The following EYA3 variants were observed in gnomAD, a reference collection of about 807,000 sequenced individuals.
EYA3 encodes EYA transcriptional coactivator and phosphatase 3, also known as protein phosphatase EYA3.
In EYA3, 39 loss-of-function variants were observed where a neutral mutation model predicts 80.0. That is an observed-to-expected ratio of 0.49 (90% CI 0.38 to 0.64). The LOEUF (loss-of-function observed/expected upper bound fraction) is 0.64. Ranked by LOEUF, EYA3 falls within the 30% of genes least tolerant of loss-of-function variation. The probability of loss-of-function intolerance (pLI) is 0.00; values close to 1 mark genes in which losing one functional copy is unlikely to be tolerated. For synonymous variants in EYA3, 206 were observed against 232.8 expected (o/e 0.88, Z 1.05); for missense variants, 523 against 676.1 (o/e 0.77, Z 2.51).
intron 6 of EYA3, 144 bp downstream of exon 6, chr1:28,035,400 C>G: frequency 1.3e-6 from 1 of 752,634 alleles, no homozygotes; most frequent in Non-Finnish European, 2.1e-6. Flanking sequence ...TTTTTTATTA[C>G]ATGCATCAAA....
intron 1 of EYA3, among the ~76,000 whole-genome samples, chr1:28,063,548 A>G (rs1214730034): frequency 6.6e-6 from 1 of 151,830 alleles, no homozygotes; most frequent in African/African-American, 2.4e-5. Flanking sequence ...GGGTTTTGCC[A>G]TGTTGGCCAG....
rs114347226 is a variant in EYA3, at chr1:28,081,389, T to C, written c.-69+7135A>G. The stretch of plus-strand genomic sequence containing the variant: ...ACACCTGGTGAAAAGCAAAAGCAGA[T>C]TTCAAAAATTATTCTTTAAATTATC... On this transcript the variant is annotated intron_variant, in intron 1 of 17. Coordinates refer to ENST00000373871, the MANE Select transcript of EYA3 (RefSeq NM_001990.4). 7.5e-3 allele frequency among the ~76,000 whole-genome samples: 1,139 copies of C among 152,326 alleles called. 10 individuals are homozygous for C. The highest frequency in any genetic ancestry group is 0.051 in the Middle Eastern group (15 of 294).
Position 28,009,411 on chromosome 1 carries a change from G to A in EYA3, c.909+1536C>T, listed in dbSNP as rs1053631275. 1.3e-5 allele frequency among the ~76,000 whole-genome samples: 2 copies of A among 152,166 alleles called. No individual in the cohort carries two copies. The highest frequency in any genetic ancestry group is 4.8e-5 in the African/African-American group (2 of 41,438). On this transcript the variant is annotated intron_variant, in intron 10 of 17. Transcript: ENST00000373871. The surrounding 1 kb of genome is among the most constrained non-coding windows in gnomAD (Gnocchi z 4.8). ...TCACGTCTGTAATCCCAGCACTATG[G>A]GAGGCCGAGGCAGGCGGATCACGAG...
At chr1:28,010,673 T>G in intron 10 of EYA3, 1 of 325,128 alleles carries the variant, frequency 3.1e-6, no homozygotes, top group Non-Finnish European at 5.6e-6. Flanking sequence ...ACCTGACCCT[T>G]TTAAAATTTT....
At chr1:28,046,736 C>A (rs1231632573) in intron 3 of EYA3, among the ~76,000 whole-genome samples, 2 of 152,032 alleles carry the variant, frequency 1.3e-5, no homozygotes, top group African/African-American at 2.4e-5. Flanking sequence ...TGGGTTTAAT[C>A]AGGGTTGTGG....
intron 1 of EYA3, among the ~76,000 whole-genome samples, chr1:28,058,435 A>C (rs1459111510): frequency 6.6e-6 from 1 of 152,180 alleles, no homozygotes; most frequent in African/African-American, 2.4e-5. Flanking sequence ...AATGATAGGG[A>C]CTGGCCTAGC....
intron 5 of EYA3, among the ~76,000 whole-genome samples, chr1:28,037,693 T>C (rs773397298): frequency 3.2e-4 from 48 of 152,246 alleles, no homozygotes; most frequent in Non-Finnish European, 6.8e-4. Flanking sequence ...AAGGACACCA[T>C]TAGTGTTAAT....
intron 8 of EYA3, among the ~76,000 whole-genome samples, chr1:28,015,616 A>C (rs767435879): frequency 1.3e-5 from 2 of 152,186 alleles, no homozygotes; most frequent in Non-Finnish European, 2.9e-5. Context: ...AAAATTAATG[A>C]GATAGTATTT....
chr1:28,014,417 CAAAAAAAAAAAA>C (rs1173842687), intron 8 of EYA3, among the ~76,000 whole-genome samples: 84 of 49,532 alleles, frequency 1.7e-3, no homozygotes, highest in Non-Finnish European at 2.6e-3. Flanking sequence ...CACACTGTCT[CAAAAAAAAAAAA>C]AAAAAAAAAA....
rs573324053 is a variant in EYA3, at chr1:27,971,721, C to T, written c.*2745G>A. 2 of 152,078 alleles carry T rather than the reference C, an allele frequency of 1.3e-5. No homozygotes were observed. Among genetic ancestry groups the T allele is most frequent in the South Asian group, 4.2e-4 (2 of 4,818 alleles). 9.4% of individuals were successfully genotyped at this position (152,078 alleles called of 1,614,324 possible). On this transcript the variant is annotated 3_prime_UTR_variant, in exon 18 of 18. Transcript: ENST00000373871. ...GAGGGTCTCCCCCTTGATGAATGGA[C>T]CCACAGTGTCCTTTGGTCCTCAGCT...
chr1:28,019,057 G>T, intron 7 of EYA3, among the ~76,000 whole-genome samples: 1 of 151,990 alleles, frequency 6.6e-6, no homozygotes, highest in Non-Finnish European at 1.5e-5. Context: ...TCCCAGCTAT[G>T]CAGGAGGCTG....
In EYA3 at chr1:27,973,988, A is replaced by G. The variant is rs1638821055; in HGVS notation, c.*478T>C. On this transcript the variant is annotated 3_prime_UTR_variant, in exon 18 of 18. Coordinates refer to ENST00000373871, the MANE Select transcript of EYA3 (RefSeq NM_001990.4). The stretch of plus-strand genomic sequence containing the variant: ...AGTCTGCTGCATTTATCTGATCACC[A>G]CAAGTTATCAGTAATTCTCAATCTG... 2 of 152,858 alleles carry G rather than the reference A, an allele frequency of 1.3e-5. No individual in the cohort carries two copies. Among genetic ancestry groups the G allele is most frequent in the African/African-American group, 4.8e-5 (2 of 41,478 alleles). The allele number at this position is 152,858 out of a possible 1,614,324, so 9.5% of individuals were successfully genotyped here.
At chr1:28,078,933 C>T (rs1481279864) in intron 1 of EYA3, among the ~76,000 whole-genome samples, 4 of 152,164 alleles carry the variant, frequency 2.6e-5, no homozygotes, top group Non-Finnish European at 4.4e-5. Context: ...GCAGACAGGA[C>T]TGGTGATATT....
intron 1 of EYA3, among the ~76,000 whole-genome samples, chr1:28,081,669 T>C (rs1188423980): frequency 6.6e-6 from 1 of 152,168 alleles, no homozygotes; most frequent in Admixed American, 6.5e-5. Flanking sequence ...TAAATGTTCC[T>C]CTTATTTTGA....
intron 8 of EYA3, among the ~76,000 whole-genome samples, chr1:28,014,461 C>T (rs1351456427): frequency 1.4e-5 from 2 of 146,818 alleles, no homozygotes; most frequent in Non-Finnish European, 3.0e-5. Flanking sequence ...GGCACGGGAG[C>T]TCACGCCTAT....
intron 6 of EYA3, among the ~76,000 whole-genome samples, chr1:28,034,607 C>T (rs549380891): frequency 3.3e-5 from 5 of 152,100 alleles, no homozygotes; most frequent in Admixed American, 2.6e-4. Flanking sequence ...TTACCAGGAG[C>T]CAAAGAATTC....
At chr1:28,004,461 A>G in intron 10 of EYA3, 42 bp from the exon 11 acceptor site, 1 of 1,425,186 alleles carries the variant, frequency 7.0e-7, no homozygotes, top group Non-Finnish European at 9.8e-7. Flanking sequence ...TTTTCCAATT[A>G]CAATGGAATG....
chr1:28,074,567 T>C (rs1243826367), intron 1 of EYA3, among the ~76,000 whole-genome samples: 1 of 151,406 alleles, frequency 6.6e-6, no homozygotes, highest in African/African-American at 2.4e-5. Flanking sequence ...CAGGCTGGAG[T>C]GCAGTGGCAA....
At chr1:28,066,540 C>A (rs910550527) in intron 1 of EYA3, among the ~76,000 whole-genome samples, 1 of 151,956 alleles carries the variant, frequency 6.6e-6, no homozygotes, top group African/African-American at 2.4e-5. Context: ...TCCACATCAA[C>A]ATATGCTGTA....
Sources: gnomAD v4.1 joint callset for allele counts (sites outside exome capture counted in the v4.1 genomes callset) on GRCh38, gnomAD v4.1.1 for gene constraint, Gnocchi (gnomAD v3.1) non-coding constraint, MANE v1.5 for transcripts, NCBI Gene and HGNC (gene_info 2026-07-23, HGNC 2026-07-21) for gene names.